NKAIN2: variants seen among roughly 807,000 people sequenced by gnomAD.
NKAIN2 encodes the protein sodium/potassium-transporting ATPase subunit beta-1-interacting protein 2.
Under a neutral mutation model 32.6 loss-of-function variants are expected in NKAIN2, and 14 were observed. That is an observed-to-expected ratio of 0.43 (90% CI 0.28 to 0.67). NKAIN2 has a LOEUF of 0.67. NKAIN2 is among the 30% of genes least tolerant of loss of function. The pLI is 0.17. For synonymous variants in NKAIN2, 80 were observed against 87.2 expected (o/e 0.92, Z 0.46); for missense variants, 198 against 258.3 (o/e 0.77, Z 1.60).
At chr6:124,373,205 A>G (rs1270676107) in intron 3 of NKAIN2, among the ~76,000 whole-genome samples, 1 of 152,170 alleles carries the variant, frequency 6.6e-6, no homozygotes, top group Non-Finnish European at 1.5e-5. Flanking sequence ...AGTTAGTGCT[A>G]CAAGATTTGC....
intron 3 of NKAIN2, among the ~76,000 whole-genome samples, chr6:124,455,241 A>G (rs1776273887): frequency 6.6e-6 from 1 of 152,038 alleles, no homozygotes; most frequent in East Asian, 1.9e-4. Context: ...AGAAATAGTC[A>G]CTATAAAGAT....
At chr6:124,602,579 C>T (rs998285571) in intron 3 of NKAIN2, among the ~76,000 whole-genome samples, 1 of 151,792 alleles carries the variant, frequency 6.6e-6, no homozygotes, top group Admixed American at 6.6e-5. Context: ...AGACAAAATA[C>T]TTGAAGGGGA....
At chr6:124,476,063 AGAGTGTGTGTGTGT>A (rs891908959) in intron 3 of NKAIN2, among the ~76,000 whole-genome samples, 4 of 115,024 alleles carry the variant, frequency 3.5e-5, no homozygotes, top group African/African-American at 1.1e-4. Flanking sequence ...AGAGAGAGAG[AGAGTGTGTGTGTGT>A]GTGTGTGTGT....
chr6:124,654,357 A>T (rs1330512947), intron 3 of NKAIN2, among the ~76,000 whole-genome samples: 1 of 152,152 alleles, frequency 6.6e-6, no homozygotes, highest in Non-Finnish European at 1.5e-5. Flanking sequence ...AAATGTATGA[A>T]GTAATAAAAT....
intron 3 of NKAIN2, among the ~76,000 whole-genome samples, chr6:124,593,901 C>A (rs75640981): frequency 0.015 from 2,279 of 152,202 alleles, 56 homozygotes; most frequent in African/African-American, 0.052. Context: ...AATTTGGATA[C>A]TATTCTATAT....
intron 1 of NKAIN2, among the ~76,000 whole-genome samples, chr6:124,263,868 C>T (rs1794364779): frequency 6.6e-6 from 1 of 152,100 alleles, no homozygotes; most frequent in South Asian, 2.1e-4. Flanking sequence ...AATTTCAGAA[C>T]CATCTGTGCT....
At chr6:124,502,509 A>C (rs1778332041) in intron 3 of NKAIN2, among the ~76,000 whole-genome samples, 1 of 152,190 alleles carries the variant, frequency 6.6e-6, no homozygotes, top group African/African-American at 2.4e-5. Context: ...CCATGTGCAA[A>C]AATGTATAAT....
intron 3 of NKAIN2, among the ~76,000 whole-genome samples, chr6:124,609,856 G>T (rs1485596050): frequency 6.6e-6 from 1 of 152,050 alleles, no homozygotes; most frequent in Non-Finnish European, 1.5e-5. Context: ...GCTCTCTATT[G>T]TCATCTCTTT....
intron 1 of NKAIN2, among the ~76,000 whole-genome samples, chr6:123,883,894 CAA>C (rs369070419): frequency 0.014 from 880 of 63,808 alleles, 4 homozygotes; most frequent in African/African-American, 0.051. Flanking sequence ...GACTCTGTCT[CAA>C]AAAAAAAAAA....
chr6:124,750,057 G>A (rs1328237501), intron 4 of NKAIN2, among the ~76,000 whole-genome samples: 1 of 151,742 alleles, frequency 6.6e-6, no homozygotes, highest in Non-Finnish European at 1.5e-5. Context: ...TAGTCACTCT[G>A]ACACTTACTA....
chr6:124,742,978 T>C (rs564832630), intron 4 of NKAIN2, among the ~76,000 whole-genome samples: 1 of 152,048 alleles, frequency 6.6e-6, no homozygotes, highest in African/African-American at 2.4e-5. Flanking sequence ...TAGCCTGAAA[T>C]TCACAAGGAC....
chr6:124,789,026 T>A (rs1779628637), intron 4 of NKAIN2, among the ~76,000 whole-genome samples: 1 of 152,072 alleles, frequency 6.6e-6, no homozygotes, highest in Admixed American at 6.6e-5. Flanking sequence ...CAGCAGGATT[T>A]ACTTTTATAT....
At chr6:124,410,792 G>T (rs536122680) in intron 3 of NKAIN2, among the ~76,000 whole-genome samples, 101 of 152,274 alleles carry the variant, frequency 6.6e-4, no homozygotes, top group African/African-American at 2.3e-3. Flanking sequence ...TGACAGTGGG[G>T]TGTTAAAGTC....
At chr6:124,335,413 G>A (rs1797824556) in intron 2 of NKAIN2, among the ~76,000 whole-genome samples, 1 of 152,082 alleles carries the variant, frequency 6.6e-6, no homozygotes, top group Admixed American at 6.6e-5. Context: ...ACTGATTGAT[G>A]TCTCATATTT....
intron 1 of NKAIN2, among the ~76,000 whole-genome samples, chr6:124,238,485 CATATAAAAGGAGGTTTTTAAAT>C (rs1008336773): frequency 6.6e-6 from 1 of 151,982 alleles, no homozygotes; most frequent in Non-Finnish European, 1.5e-5. Context: ...TAGAGGCTAA[CATATAAAAGGAGGTTTTTAAAT>C]ATAAAAGCAA....
intron 2 of NKAIN2, among the ~76,000 whole-genome samples, chr6:124,347,926 T>C (rs1798515533): frequency 6.6e-6 from 1 of 152,194 alleles, no homozygotes; most frequent in Non-Finnish European, 1.5e-5. Context: ...TTTTAGAGTT[T>C]CCAGTTTTTC....
At chr6:123,889,514 C>A (rs1235413333) in intron 1 of NKAIN2, among the ~76,000 whole-genome samples, 1 of 152,160 alleles carries the variant, frequency 6.6e-6, no homozygotes, top group African/African-American at 2.4e-5. Flanking sequence ...CATGTGAATA[C>A]ACGATTCAGA....
intron 4 of NKAIN2, among the ~76,000 whole-genome samples, chr6:124,720,191 A>T (rs1159773728): frequency 6.6e-6 from 1 of 152,220 alleles, no homozygotes; most frequent in Non-Finnish European, 1.5e-5. Flanking sequence ...TGTGTAATTA[A>T]GCAACACAAA....
intron 1 of NKAIN2, among the ~76,000 whole-genome samples, chr6:123,900,632 C>T (rs919399505): frequency 3.5e-5 from 5 of 142,308 alleles, no homozygotes; most frequent in East Asian, 4.1e-4. Context: ...GTTAACCCCC[C>T]GAGCTGGCGT....
Sources: allele counts gnomAD v4.1 joint callset (sites outside exome capture counted in the v4.1 genomes callset), GRCh38; gene constraint gnomAD v4.1.1; transcripts MANE v1.5; gene names NCBI Gene and HGNC (gene_info 2026-07-23, HGNC 2026-07-21).